The following C17orf114 variants were observed in gnomAD, a reference collection of about 807,000 sequenced individuals.
C17orf114 encodes the protein chromosome 17 open reading frame 114, also known as uncharacterized protein C17orf114.
chr17:4,801,468 A>T lies in C17orf114; in HGVS notation c.74-13T>A. The stretch of plus-strand genomic sequence containing the variant: ...GCAGGACTCAGGCCTAAAAGATTGG[A>T]GGAAGAAGGAAGTTGTAGGTCAGGG... On this transcript the variant is annotated splice_polypyrimidine_tract_variant and intron_variant, in intron 1 of 1. Coordinates refer to ENST00000635921, the Ensembl canonical transcript of C17orf114. 2.5e-6 allele frequency: 1 copy of T among 398,738 alleles called. No individual in the cohort carries two copies. Among genetic ancestry groups the T allele is most frequent in the Non-Finnish European group, 4.4e-6 (1 of 226,260 alleles). 24.7% of individuals were successfully genotyped at this position (398,738 alleles called of 1,614,324 possible).
chr17:4,804,396 G>A (rs897141522), upstream of C17orf114, among the ~76,000 whole-genome samples: 10 of 151,734 alleles, frequency 6.6e-5, no homozygotes, highest in Admixed American at 2.6e-4. Context: ...AATAGAGACA[G>A]GGTTTCCCTG....
upstream of C17orf114, among the ~76,000 whole-genome samples, chr17:4,805,458 C>T (rs1180550822): frequency 6.6e-6 from 1 of 151,554 alleles, no homozygotes; most frequent in Non-Finnish European, 1.5e-5. Context: ...GGAACGGTGG[C>T]TCACGCCTGT....
chr17:4,802,453 G>C, upstream of C17orf114: 1 of 395,814 alleles, frequency 2.5e-6, no homozygotes, highest in Non-Finnish European at 4.5e-6. Flanking sequence ...AGGCGCCAGG[G>C]ATGGAAAGGG....
At chr17:4,805,768 G>C (rs1905720242), upstream of C17orf114, among the ~76,000 whole-genome samples, 1 of 152,034 alleles carries the variant, frequency 6.6e-6, no homozygotes, top group Non-Finnish European at 1.5e-5. Flanking sequence ...TGGATAACAC[G>C]GTGAGACCCC....
chr17:4,804,908 T>C (rs886209161), upstream of C17orf114, among the ~76,000 whole-genome samples: 2 of 152,132 alleles, frequency 1.3e-5, no homozygotes, highest in Admixed American at 6.5e-5. Context: ...ATGAACTTTA[T>C]TGAAGCAAAA....
At chr17:4,802,602 C>T (rs1008364176), upstream of C17orf114, among the ~76,000 whole-genome samples, 2 of 152,160 alleles carry the variant, frequency 1.3e-5, no homozygotes, top group African/African-American at 2.4e-5. Flanking sequence ...CAGGGACAGA[C>T]GCAGAGGTGC....
upstream of C17orf114, among the ~76,000 whole-genome samples, chr17:4,803,068 C>T (rs1905550691): frequency 6.6e-6 from 1 of 152,024 alleles, no homozygotes; most frequent in South Asian, 2.1e-4. Context: ...AGGCGTACAC[C>T]ACCATGCCCA....
At chr17:4,802,838 A>G (rs557384789), upstream of C17orf114, among the ~76,000 whole-genome samples, 9 of 152,262 alleles carry the variant, frequency 5.9e-5, no homozygotes, top group South Asian at 1.9e-3. Flanking sequence ...TGTTATGAAG[A>G]TGATTGTAAT....
At chr17:4,806,321 C>T (rs1284677318), upstream of C17orf114, among the ~76,000 whole-genome samples, 1 of 152,200 alleles carries the variant, frequency 6.6e-6, no homozygotes, top group Non-Finnish European at 1.5e-5. Flanking sequence ...CAACTCCACT[C>T]CCTAGTTACC....
At chr17:4,804,096 G>C (rs1905581264), upstream of C17orf114, among the ~76,000 whole-genome samples, 1 of 152,212 alleles carries the variant, frequency 6.6e-6, no homozygotes, top group Non-Finnish European at 1.5e-5. Flanking sequence ...CCCTCAGACA[G>C]TTTGGGGTGG....
chr17:4,802,628 C>T (rs1184974090), upstream of C17orf114, among the ~76,000 whole-genome samples: 1 of 152,168 alleles, frequency 6.6e-6, no homozygotes, highest in Non-Finnish European at 1.5e-5. Context: ...CAGACAGATG[C>T]AGTCACATTT....
upstream of C17orf114, among the ~76,000 whole-genome samples, chr17:4,805,217 C>T (rs931680222): frequency 5.3e-5 from 8 of 150,342 alleles, no homozygotes; most frequent in Non-Finnish European, 1.2e-4. Context: ...CATTTGAGGT[C>T]AGGAGTTCGA....
upstream of C17orf114, among the ~76,000 whole-genome samples, chr17:4,804,462 G>A (rs1002005687): frequency 1.3e-4 from 19 of 150,982 alleles, no homozygotes; most frequent in African/African-American, 2.4e-4. Context: ...CCTCAGCCTC[G>A]CAAAGTGCTG....
chr17:4,806,579 G>A (rs1223485893), upstream of C17orf114, among the ~76,000 whole-genome samples: 1 of 152,128 alleles, frequency 6.6e-6, no homozygotes, highest in Admixed American at 6.6e-5. Flanking sequence ...CACGGAGTAA[G>A]CGCGCAATAA....
exon 2 of C17orf114, chr17:4,801,174 A>G (rs1905498095): frequency 2.5e-6 from 1 of 397,274 alleles, no homozygotes; most frequent in Non-Finnish European, 4.4e-6. Context: ...AACTATGAAC[A>G]CATTTGATGA....
chr17:4,802,653 C>T (rs1330255520), upstream of C17orf114, among the ~76,000 whole-genome samples: 1 of 152,070 alleles, frequency 6.6e-6, no homozygotes, highest in Non-Finnish European at 1.5e-5. Flanking sequence ...ATGGCAATGC[C>T]CGACAACTTG....
At chr17:4,806,985 T>C (rs1392840755), upstream of C17orf114, 6 of 149,796 alleles carry the variant, frequency 4.0e-5, no homozygotes, top group Admixed American at 1.3e-4. Flanking sequence ...GGCGGCCCCC[T>C]GCCCGGGGCT....
upstream of C17orf114, among the ~76,000 whole-genome samples, chr17:4,805,229 G>C (rs771018690): frequency 2.9e-4 from 43 of 150,068 alleles, no homozygotes; most frequent in Non-Finnish European, 3.4e-4. Flanking sequence ...GGAGTTCGAC[G>C]CCAGCCTGAC....
At chr17:4,806,413 T>C (rs1316076229), upstream of C17orf114, among the ~76,000 whole-genome samples, 2 of 152,148 alleles carry the variant, frequency 1.3e-5, no homozygotes, top group Non-Finnish European at 2.9e-5. Flanking sequence ...GAAACCCACA[T>C]GTATATCAAA....
Sources: gnomAD v4.1 joint callset for allele counts (sites outside exome capture counted in the v4.1 genomes callset) on GRCh38, gnomAD v4.1.1 for gene constraint, MANE v1.5 for transcripts, NCBI Gene and HGNC (gene_info 2026-07-23, HGNC 2026-07-21) for gene names.